Variants in EGFLAM observed in about 807,000 individuals in gnomAD.
EGFLAM encodes EGF like, fibronectin type III and laminin G domains.
EGFLAM carries 79 observed loss-of-function variants against 113.1 expected under a neutral mutation model. The observed-to-expected ratio is 0.70, with a 90% CI of 0.58 to 0.84. The LOEUF (loss-of-function observed/expected upper bound fraction) is 0.84. EGFLAM is among the 40% of genes least tolerant of loss of function. The pLI is 0.00. For missense variants in EGFLAM, 1,265 were observed against 1,291.6 expected, an observed-to-expected ratio of 0.98 and a Z score of 0.32; for synonymous variants, 504 against 487.6, an observed-to-expected ratio of 1.03 and a Z score of -0.44.
intron 5 of EGFLAM, among the ~76,000 whole-genome samples, chr5:38,361,979 T>C (rs933869717): frequency 2.0e-5 from 3 of 151,918 alleles, no homozygotes; most frequent in South Asian, 4.2e-4. Flanking sequence ...TTTGAGTAAA[T>C]AATGTAAAAA....
At chr5:38,372,280 T>A in intron 6 of EGFLAM, among the ~76,000 whole-genome samples, 1 of 152,106 alleles carries the variant, frequency 6.6e-6, no homozygotes, top group Non-Finnish European at 1.5e-5. Context: ...GTAGCTGGTA[T>A]TGCAGGTGCC....
intron 14 of EGFLAM, chr5:38,429,906 T>C (rs1231603581): frequency 5.8e-6 from 1 of 173,224 alleles, no homozygotes; most frequent in Non-Finnish European, 1.3e-5. Context: ...AACTGCAGCT[T>C]CTCAAAGAAC....
chr5:38,428,387 T>C (rs993191198), intron 14 of EGFLAM, among the ~76,000 whole-genome samples: 3 of 152,220 alleles, frequency 2.0e-5, no homozygotes, highest in African/African-American at 7.2e-5. Flanking sequence ...TTCCTGCACA[T>C]CAGTGACACC....
At chr5:38,388,837 C>A (rs1740734491) in intron 6 of EGFLAM, among the ~76,000 whole-genome samples, 1 of 149,598 alleles carries the variant, frequency 6.7e-6, no homozygotes, top group African/African-American at 2.5e-5. Context: ...ATCATTTGAG[C>A]CTGGGAGGTC....
chr5:38,264,111 G>A (rs1462699731), intron 1 of EGFLAM, among the ~76,000 whole-genome samples: 1 of 152,176 alleles, frequency 6.6e-6, no homozygotes, highest in African/African-American at 2.4e-5. Context: ...CAGGCTTAGA[G>A]CCTGGGGTTG....
chr5:38,350,735 C>A, intron 4 of EGFLAM, 117 bp downstream of exon 4: 4 of 944,660 alleles, frequency 4.2e-6, no homozygotes, highest in Middle Eastern at 2.3e-4. Context: ...TCTGGGAATT[C>A]AGTAGAGAAC....
chr5:38,358,753 C>G (rs116785068), intron 5 of EGFLAM, among the ~76,000 whole-genome samples: 21 of 152,210 alleles, frequency 1.4e-4, no homozygotes, highest in South Asian at 4.1e-4. Context: ...ATGATCCCCC[C>G]CAAAGTTGGT....
chr5:38,373,500 T>C (rs1054111374), intron 6 of EGFLAM, among the ~76,000 whole-genome samples: 2 of 152,190 alleles, frequency 1.3e-5, no homozygotes, highest in Admixed American at 1.3e-4. Context: ...CACTTGTAAG[T>C]GAGAGCATGC....
At chr5:38,387,625 G>A (rs1313997557) in intron 6 of EGFLAM, among the ~76,000 whole-genome samples, 2 of 152,246 alleles carry the variant, frequency 1.3e-5, no homozygotes, top group Admixed American at 1.3e-4. Context: ...TTCCCTCTCT[G>A]ATGGAGAATG....
chr5:38,340,075 A>T (rs747819975), intron 3 of EGFLAM, among the ~76,000 whole-genome samples: 1 of 152,160 alleles, frequency 6.6e-6, no homozygotes, highest in Non-Finnish European at 1.5e-5. Context: ...ATCAAGAGTG[A>T]TACATGCCTT....
intron 16 of EGFLAM, among the ~76,000 whole-genome samples, chr5:38,437,991 G>A (rs899018192): frequency 2.0e-5 from 3 of 151,720 alleles, no homozygotes; most frequent in African/African-American, 4.8e-5. Context: ...GCGTAGTGGC[G>A]GGTGCCTGTA....
chr5:38,394,469 G>A (rs1043731361), intron 6 of EGFLAM, among the ~76,000 whole-genome samples: 4 of 151,778 alleles, frequency 2.6e-5, no homozygotes, highest in Non-Finnish European at 4.4e-5. Context: ...GAGTGCAGTG[G>A]CACGATCTCG....
At chr5:38,295,837 C>A (rs1758442123) in intron 1 of EGFLAM, among the ~76,000 whole-genome samples, 1 of 152,200 alleles carries the variant, frequency 6.6e-6, no homozygotes, top group South Asian at 2.1e-4. Flanking sequence ...AAGACCTTAA[C>A]TCTATATTGT....
intron 1 of EGFLAM, among the ~76,000 whole-genome samples, chr5:38,288,086 A>G (rs921062251): frequency 6.6e-6 from 1 of 152,368 alleles, no homozygotes; most frequent in Non-Finnish European, 1.5e-5. Context: ...AGAACTAATT[A>G]TAAAGCTGAA....
intron 1 of EGFLAM, among the ~76,000 whole-genome samples, chr5:38,312,052 T>C (rs2111862894): frequency 6.6e-6 from 1 of 152,318 alleles, no homozygotes; most frequent in East Asian, 1.9e-4. Flanking sequence ...TGTTTTCTCA[T>C]TTATAATGCG....
rs74624102 is a variant in EGFLAM at position 38,338,777 on chromosome 5, C to G, written c.287C>G (p.Thr96Ser). ...HSVPLSRDIP[T>S]TEEVIGDLKP... ...GTGCCTCTCAGCCGGGACATCCCGACCACGGTGAGTCTTTCCATCCTGGCA... is the reference window on the plus strand; with the variant it reads ...GTGCCTCTCAGCCGGGACATCCCGAGCACGGTGAGTCTTTCCATCCTGGCA... The change falls in exon 3 of 22, where the codon ACC becomes AGC. Residue 96 changes from threonine to serine, a missense_variant. Transcript: ENST00000322350. 1.0e-4 allele frequency: 169 copies of G among 1,614,040 alleles called. No individual in the cohort carries two copies. Among genetic ancestry groups the G allele is most frequent in the Admixed American group, 7.7e-4 (46 of 60,002 alleles).
At chr5:38,427,278 CT>C in intron 14 of EGFLAM, 26 bp downstream of exon 14, 1 of 1,604,968 alleles carries the variant, frequency 6.2e-7, no homozygotes, top group Non-Finnish European at 8.5e-7. Context: ...TTCTGGGACT[CT>C]TTCCCTTAAA....
chr5:38,425,227 G>A (rs1034221550), intron 13 of EGFLAM, 135 bp downstream of exon 13: 37 of 1,330,604 alleles, frequency 2.8e-5, no homozygotes, highest in African/African-American at 6.0e-5. Flanking sequence ...TACCCAGGCC[G>A]GAGTGCAGTG....
chr5:38,349,773 GCACACACACACACACA>G (rs57785664), intron 3 of EGFLAM, among the ~76,000 whole-genome samples: 1 of 130,946 alleles, frequency 7.6e-6, no homozygotes, highest in African/African-American at 2.8e-5. Context: ...AAGTACACAC[GCACACACACACACACA>G]CACACACACA....
Sources: gnomAD v4.1 joint callset for allele counts (sites outside exome capture counted in the v4.1 genomes callset) on GRCh38, gnomAD v4.1.1 for gene constraint, MANE v1.5 for transcripts, NCBI Gene and HGNC (gene_info 2026-07-23, HGNC 2026-07-21) for gene names.